The following NALF1 variants were observed in gnomAD, a reference collection of about 807,000 sequenced individuals.
The protein encoded by NALF1 is family with sequence similarity 155 member A.
NALF1 carries 3 observed loss-of-function variants against 48.4 expected under a neutral mutation model. The ratio of observed to expected loss-of-function variants is 0.06; its 90% confidence interval spans 0.03 to 0.16. The LOEUF (loss-of-function observed/expected upper bound fraction) is 0.16, where lower values mean the gene tolerates loss of function less well. Among genes scored for constraint, NALF1 ranks in the 10% least tolerant of loss-of-function variants. NALF1 has a pLI of 1.00. For synonymous variants in NALF1, 262 were observed against 245.7 expected (o/e 1.07, Z -0.62); for missense variants, 526 against 571.5 (o/e 0.92, Z 0.81).
rs61686895 is a variant in NALF1, at chr13:107,438,827, C to CAAAAAAAAAAAAAAAAA, written c.916-228089_916-228073dup. On this transcript the variant is annotated intron_variant, in intron 1 of 2. Coordinates refer to ENST00000375915, the MANE Select transcript of NALF1 (RefSeq NM_001080396.3). ...TGGATGACAGAGTGAGACTCCATCT[C>CAAAAAAAAAAAAAAAAA]AAAAAAAAAAAAAAAAAAAAAAAAG... 3.6e-3 allele frequency among the ~76,000 whole-genome samples: 64 copies of CAAAAAAAAAAAAAAAAA among 17,952 alleles called. 6 individuals are homozygous for CAAAAAAAAAAAAAAAAA. The highest frequency in any genetic ancestry group is 5.4e-3 in the East Asian group (3 of 556). 11.8% of individuals were successfully genotyped at this position (17,952 alleles called of 152,430 possible). A position where few individuals can be genotyped will look rare whatever the true frequency, so the allele number is the denominator to read the frequency against.
chr13:107,661,724 G>C (rs963867633), intron 1 of NALF1, among the ~76,000 whole-genome samples: 2 of 151,926 alleles, frequency 1.3e-5, no homozygotes, highest in Non-Finnish European at 2.9e-5. Context: ...AAAATCATGG[G>C]TTCTCCAGCC....
intron 1 of NALF1, among the ~76,000 whole-genome samples, chr13:107,609,660 G>T (rs891288525): frequency 2.6e-5 from 4 of 152,112 alleles, no homozygotes; most frequent in African/African-American, 7.2e-5. Context: ...GTATTATTAG[G>T]TTATGATTAA....
At chr13:107,388,989 G>C (rs1883575840) in intron 1 of NALF1, among the ~76,000 whole-genome samples, 1 of 152,234 alleles carries the variant, frequency 6.6e-6, no homozygotes. Context: ...AGAAGGACGT[G>C]TCAGCAGAAT....
chr13:107,194,752 A>G lies in NALF1; in HGVS notation c.1087+15832T>C, dbSNP rs555480835. On this transcript the variant is annotated intron_variant, in intron 2 of 2. Transcript: ENST00000375915. ...TAAACTAAAAGCCTTCTGCACAGCA[A>G]AAGAAACAATCAGCAGAGTTAACAG... 1.5e-4 allele frequency among the ~76,000 whole-genome samples: 23 copies of G among 152,350 alleles called. No individual in the cohort carries two copies. In the South Asian group the frequency reaches 4.8e-3, roughly 32 times the overall value.
At chr13:107,484,398 A>G (rs766570453) in intron 1 of NALF1, among the ~76,000 whole-genome samples, 1 of 152,176 alleles carries the variant, frequency 6.6e-6, no homozygotes, top group Non-Finnish European at 1.5e-5. Context: ...AACTGAAATT[A>G]TTCTTTCATA....
chr13:107,646,252 C>T (rs541346489), intron 1 of NALF1, among the ~76,000 whole-genome samples: 2 of 151,472 alleles, frequency 1.3e-5, no homozygotes, highest in East Asian at 1.9e-4. Flanking sequence ...CTATCCTGTA[C>T]TCTTTCACAT....
At chr13:107,300,905 A>G (rs1881824096) in intron 1 of NALF1, among the ~76,000 whole-genome samples, 2 of 152,220 alleles carry the variant, frequency 1.3e-5, no homozygotes, top group East Asian at 3.8e-4. Flanking sequence ...TATCTAAAGC[A>G]ATCAAAATTC....
chr13:107,859,275 G>A (rs1237882538), intron 1 of NALF1, among the ~76,000 whole-genome samples: 1 of 152,134 alleles, frequency 6.6e-6, no homozygotes, highest in African/African-American at 2.4e-5. Context: ...ATGTATTTCC[G>A]AAGAAATGAT....
chr13:107,650,593 G>C (rs1880428064), intron 1 of NALF1, among the ~76,000 whole-genome samples: 2 of 151,822 alleles, frequency 1.3e-5, no homozygotes, highest in African/African-American at 4.8e-5. Context: ...GAAGAAGAGA[G>C]GGGAAAGGGA....
chr13:107,682,639 G>T lies in NALF1; in HGVS notation c.915+183043C>A, dbSNP rs528853557. ...TCTTCCTCAACACTTTTTAAAATGG[G>T]TACTCTTTTGAGTGAAGATGCATTC... is the stretch of plus-strand genomic sequence containing the variant. On this transcript the variant is annotated intron_variant, in intron 1 of 2. Coordinates refer to ENST00000375915, the MANE Select transcript of NALF1 (RefSeq NM_001080396.3). Among the ~76,000 whole-genome samples, 54 of 151,742 alleles carry T rather than the reference G, an allele frequency of 3.6e-4. 3 individuals are homozygous for T. In the South Asian group the frequency reaches 0.011, roughly 30 times the overall value.
At chr13:107,431,055 G>A in intron 1 of NALF1, among the ~76,000 whole-genome samples, 1 of 142,782 alleles carries the variant, frequency 7.0e-6, no homozygotes, top group East Asian at 2.1e-4. Flanking sequence ...GGCCAGTGAT[G>A]ATGAGCATTT....
intron 1 of NALF1, among the ~76,000 whole-genome samples, chr13:107,402,953 A>G (rs1171758211): frequency 6.6e-6 from 1 of 152,086 alleles, no homozygotes; most frequent in African/African-American, 2.4e-5. Flanking sequence ...CCTCTTCCAC[A>G]CAATCTATTA....
chr13:107,277,591 G>GA (rs1317242527), intron 1 of NALF1, among the ~76,000 whole-genome samples: 3 of 152,158 alleles, frequency 2.0e-5, no homozygotes, highest in Admixed American at 2.0e-4. Flanking sequence ...ATGGCTAAGT[G>GA]AAGTCACTCA....
intron 1 of NALF1, among the ~76,000 whole-genome samples, chr13:107,399,455 T>TACACACAC (rs35237023): frequency 1.2e-4 from 18 of 151,066 alleles, no homozygotes; most frequent in African/African-American, 2.4e-5. Context: ...CACATTCACG[T>TACACACAC]ACACACACAC....
At chr13:107,355,923 T>C (rs79010657) in intron 1 of NALF1, among the ~76,000 whole-genome samples, 74 of 152,284 alleles carry the variant, frequency 4.9e-4, no homozygotes, top group African/African-American at 1.7e-3. Flanking sequence ...TCAAGCAGGG[T>C]ATGTTAGTGC....
intron 1 of NALF1, among the ~76,000 whole-genome samples, chr13:107,809,220 C>T (rs368216827): frequency 1.3e-5 from 2 of 151,856 alleles, no homozygotes; most frequent in Admixed American, 6.6e-5. Flanking sequence ...TCTCATACTG[C>T]GGTTAATCAG....
intron 1 of NALF1, among the ~76,000 whole-genome samples, chr13:107,302,462 G>T (rs1881856482): frequency 6.6e-6 from 1 of 151,850 alleles, no homozygotes; most frequent in South Asian, 2.1e-4. Context: ...TTCCATGTTT[G>T]CTTGAAGAAT....
chr13:107,550,811 C>T (rs1246557280), intron 1 of NALF1, among the ~76,000 whole-genome samples: 1 of 151,820 alleles, frequency 6.6e-6, no homozygotes. Context: ...GGTCCTGGCT[C>T]AGGTGACCTG....
chr13:107,682,820 G>C (rs1015906510), intron 1 of NALF1, among the ~76,000 whole-genome samples: 4 of 152,162 alleles, frequency 2.6e-5, no homozygotes, highest in Admixed American at 2.0e-4. Context: ...CTGAAAGCCA[G>C]CTCAGCCCAG....
Sources: gnomAD v4.1 joint callset for allele counts (sites outside exome capture counted in the v4.1 genomes callset) on GRCh38, gnomAD v4.1.1 for gene constraint, MANE v1.5 for transcripts, NCBI Gene and HGNC (gene_info 2026-07-23, HGNC 2026-07-21) for gene names.